PTDSS2: variants seen among roughly 807,000 people sequenced by gnomAD.
The protein encoded by PTDSS2 is PSS-2.
In PTDSS2, 41 loss-of-function variants were observed where a neutral mutation model predicts 64.7. The ratio of observed to expected loss-of-function variants is 0.63; its 90% CI spans 0.49 to 0.82. PTDSS2 has a LOEUF of 0.82. Among genes scored for constraint, PTDSS2 ranks in the 40% least tolerant of loss-of-function variants. The pLI is 0.00. For missense variants in PTDSS2, 485 were observed against 650.0 expected (o/e 0.75, Z 2.76); for synonymous variants, 297 against 277.8 (o/e 1.07, Z -0.69).
intron 1 of PTDSS2, among the ~76,000 whole-genome samples, chr11:453,161 G>A (rs1040075476): frequency 4.8e-4 from 73 of 152,286 alleles, no homozygotes; most frequent in African/African-American, 1.7e-3. Context: ...GGCTTGACTG[G>A]CCCTGGGAGC....
At chr11:487,579 G>C in intron 6 of PTDSS2, 109 bp downstream of exon 6, 1 of 1,059,228 alleles carries the variant, frequency 9.4e-7, no homozygotes, top group Non-Finnish European at 1.5e-6. Context: ...GAGTGTGGTG[G>C]GAGGGTGTCG....
chr11:482,705 C>G (rs944429996), intron 4 of PTDSS2, among the ~76,000 whole-genome samples: 1 of 152,260 alleles, frequency 6.6e-6, no homozygotes, highest in Admixed American at 6.5e-5. Context: ...TTTCATAGAT[C>G]TCCTTACCGA....
chr11:453,178 CT>C (rs1246340063), intron 1 of PTDSS2, among the ~76,000 whole-genome samples: 1 of 152,048 alleles, frequency 6.6e-6, no homozygotes, highest in African/African-American at 2.4e-5. Context: ...GAGCACGAGG[CT>C]GAGCTCTCCT....
intron 1 of PTDSS2, among the ~76,000 whole-genome samples, chr11:455,338 G>A (rs1028452093): frequency 6.6e-6 from 1 of 152,150 alleles, no homozygotes; most frequent in African/African-American, 2.4e-5. Flanking sequence ...TCCAAGACAG[G>A]GTCCTGTGGA....
rs761593985 is a variant in PTDSS2 at position 479,172 on chromosome 11, T to C, written c.435+20T>C. On this transcript the variant is annotated intron_variant, in intron 4 of 11. Coordinates refer to ENST00000308020, the MANE Select transcript of PTDSS2 (RefSeq NM_030783.3). This position sits in a 1 kb window ranked among gnomAD's most constrained non-coding sequence, Gnocchi z 4.2. ...TTCCAGGTAAGCTGTTTTTCTGGGT[T>C]GGATACCTGGGAACTTAGGTGACAG... The C allele has an allele frequency of 1.2e-6, 2 of 1,602,696 alleles. No individual in the cohort carries two copies. Among genetic ancestry groups the C allele is most frequent in the Admixed American group, 3.3e-5 (2 of 60,016 alleles).
rs1846253371 is a variant in PTDSS2, at chr11:450,306, C to G, written c.-150C>G. The G allele has an allele frequency of 1.8e-6, 1 of 563,404 alleles. No homozygotes were observed. Among genetic ancestry groups the G allele is most frequent in the African/African-American group, 2.0e-5 (1 of 51,102 alleles). 34.9% of individuals were successfully genotyped at this position (563,404 alleles called of 1,614,324 possible). A position where few individuals can be genotyped will look rare whatever the true frequency, so the allele number is the denominator to read the frequency against. On this transcript the variant is annotated 5_prime_UTR_variant, in exon 1 of 12. Transcript: ENST00000308020. Reference sequence around the variant, plus strand: ...AATGCACCGCACACCCTTTACTGGCCGGCCCCGCGCTGCTCTCCTAAGACC... The same window carrying G: ...AATGCACCGCACACCCTTTACTGGCGGGCCCCGCGCTGCTCTCCTAAGACC...
rs1019324849 is a variant in PTDSS2 at position 489,701 on chromosome 11, C to T, written c.1083C>T (p.Ala361=). Residue 361 remains alanine (A), a synonymous_variant, in exon 10 of 12, where the codon GCC becomes GCT. Transcript: ENST00000308020. Reference sequence around the variant, plus strand: ...TCTTCGTGAACGTGGGTGGCGTGGCCATGCGTGAGATCTACGACTTCATGG... The same window carrying T: ...TCTTCGTGAACGTGGGTGGCGTGGCTATGCGTGAGATCTACGACTTCATGG... ...LVFFVNVGGV[A]MREIYDFMDD... 6 of 1,606,686 alleles carry T rather than the reference C, an allele frequency of 3.7e-6. No individual in the cohort carries two copies. The highest frequency in any genetic ancestry group is 5.1e-6 in the Non-Finnish European group (6 of 1,177,052).
In PTDSS2 at chr11:490,809, C is replaced by CGTGTGTAT. The variant is rs1565002522; in HGVS notation, c.*228_*229insTGTGTATG. ...GTATGCGTGTGTGTACGCGTGTGTACGCGCGTGTGTACACATGCGTGGCCG... is the reference window on the plus strand; with the variant it reads ...GTATGCGTGTGTGTACGCGTGTGTACGTGTGTATGCGCGTGTGTACACATGCGTGGCCG... On this transcript the variant is annotated 3_prime_UTR_variant, in exon 12 of 12. Transcript: ENST00000308020. The CGTGTGTAT allele has an allele frequency of 8.9e-6, 5 of 564,044 alleles. No homozygotes were observed. The highest frequency in any genetic ancestry group is 1.3e-5 in the Non-Finnish European group (4 of 317,770). 34.9% of individuals were successfully genotyped at this position (564,044 alleles called of 1,614,324 possible).
intron 2 of PTDSS2, among the ~76,000 whole-genome samples, chr11:472,884 A>C (rs1847539701): frequency 6.6e-6 from 1 of 152,214 alleles, no homozygotes; most frequent in Non-Finnish European, 1.5e-5. Flanking sequence ...CCAGCGTGCG[A>C]ACACGCCAAG....
In PTDSS2 at chr11:462,029, AG is replaced by A. The variant is rs1846911699; in HGVS notation, c.284+1743del. 6.6e-6 allele frequency among the ~76,000 whole-genome samples: 1 copy of A among 152,186 alleles called. No homozygotes were observed. Among genetic ancestry groups the A allele is most frequent in the South Asian group, 2.1e-4 (1 of 4,836 alleles). ...CAGCAGGGTAGGTGGATTAGGAAGC[AG>A]GACCGGGTCTCACCTCAAGTGTCCC... On this transcript the variant is annotated intron_variant, in intron 2 of 11. Transcript: ENST00000308020. The surrounding 1 kb of genome is among the most constrained non-coding windows in gnomAD (Gnocchi z 4.5).
rs190335267 is a variant in PTDSS2, at chr11:452,784, A to G, written c.182+2147A>G. 5.3e-3 allele frequency among the ~76,000 whole-genome samples: 806 copies of G among 152,338 alleles called. 1 individual carries two copies. The highest frequency in any genetic ancestry group is 8.6e-3 in the Non-Finnish European group (585 of 68,038). The stretch of plus-strand genomic sequence containing the variant: ...TGCCTGGTGAGAATTCATTACCTGC[A>G]GAGCCTCACACTGACCTCCTGAGTC... On this transcript the variant is annotated intron_variant, in intron 1 of 11. Coordinates refer to ENST00000308020, the MANE Select transcript of PTDSS2 (RefSeq NM_030783.3).
intron 4 of PTDSS2, among the ~76,000 whole-genome samples, chr11:483,495 C>G (rs926301461): frequency 6.6e-6 from 1 of 152,148 alleles, no homozygotes; most frequent in Non-Finnish European, 1.5e-5. Context: ...CTAGTATATT[C>G]CTAGTTGGTT....
At chr11:487,948 C>T (rs1848470630) in intron 6 of PTDSS2, among the ~76,000 whole-genome samples, 1 of 152,226 alleles carries the variant, frequency 6.6e-6, no homozygotes, top group South Asian at 2.1e-4. Flanking sequence ...GGGGCCCTGC[C>T]AGTGCTGTCG....
chr11:448,880 A>G (rs974712713), upstream of PTDSS2, among the ~76,000 whole-genome samples: 1 of 152,220 alleles, frequency 6.6e-6, no homozygotes, highest in South Asian at 2.1e-4. Context: ...GCTGAGGTCA[A>G]TATTACAGCA....
In PTDSS2 at chr11:461,574, A is replaced by G. The variant is rs544307116; in HGVS notation, c.284+1286A>G. 3.3e-5 allele frequency among the ~76,000 whole-genome samples: 5 copies of G among 152,190 alleles called. No individual in the cohort carries two copies. Among genetic ancestry groups the G allele is most frequent in the African/African-American group, 9.6e-5 (4 of 41,534 alleles). ...GTCTCCCTACCCTGCTCCTGGCTGCATGCTCTGTGGGTTCTCTCCCACCTT... is the reference window on the plus strand; with the variant it reads ...GTCTCCCTACCCTGCTCCTGGCTGCGTGCTCTGTGGGTTCTCTCCCACCTT... On this transcript the variant is annotated intron_variant, in intron 2 of 11. Transcript: ENST00000308020. The surrounding 1 kb of genome is among the most constrained non-coding windows in gnomAD (Gnocchi z 4.2).
At chr11:488,433 G>GAGGGGCAT in intron 7 of PTDSS2, 96 bp from the exon 8 acceptor site, 1 of 1,337,678 alleles carries the variant, frequency 7.5e-7, no homozygotes, top group Non-Finnish European at 1.1e-6. Context: ...GGTGCAGGCT[G>GAGGGGCAT]AGGGGCATTC....
Position 479,088 on chromosome 11 carries a change from A to G in PTDSS2, c.371A>G (p.Tyr124Cys). Reference protein sequence around the residue: ...DGPFSRPHPAYWRFWLCVSVV... With the variant: ...DGPFSRPHPACWRFWLCVSVV... Reference sequence around the variant, plus strand: ...GTTCTGTCGTCTGTCTTTGTAGCTTACTGGAGGTTTTGGCTCTGCGTGAGT... The same window carrying G: ...GTTCTGTCGTCTGTCTTTGTAGCTTGCTGGAGGTTTTGGCTCTGCGTGAGT... The change falls in exon 4 of 12, where the codon TAC (tyrosine) becomes TGC (cysteine). Residue 124 changes from tyrosine to cysteine, a missense_variant. Physicochemically the swap from Tyr to Cys is radical, Grantham distance 194. Around this residue, in one of 3 missense-constraint regions of PTDSS2, gnomAD observed 251 missense variants for 348.0 expected, o/e 0.72. Coordinates refer to ENST00000308020, the MANE Select transcript of PTDSS2 (RefSeq NM_030783.3). This position sits in a 1 kb window ranked among gnomAD's most constrained non-coding sequence, Gnocchi z 4.2. 6.2e-7 allele frequency: 1 copy of G among 1,613,974 alleles called. No individual in the cohort carries two copies. Among genetic ancestry groups the G allele is most frequent in the Non-Finnish European group, 8.5e-7 (1 of 1,179,846 alleles).
At chr11:452,692 G>A (rs893908755) in intron 1 of PTDSS2, among the ~76,000 whole-genome samples, 1 of 152,038 alleles carries the variant, frequency 6.6e-6, no homozygotes, top group African/African-American at 2.4e-5. Flanking sequence ...GGTTCTTGCT[G>A]TGCCTCCTCC....
At chr11:471,765 GGATGGCGGCCTGGGGTGACGCA>G (rs1847456162) in intron 2 of PTDSS2, among the ~76,000 whole-genome samples, 1 of 146,052 alleles carries the variant, frequency 6.8e-6, no homozygotes, top group African/African-American at 2.6e-5. Context: ...GGGGTGACGC[GGATGGCGGCCTGGGGTGACGCA>G]GATGGTGGCC....
Sources: gnomAD v4.1 joint callset for allele counts (sites outside exome capture counted in the v4.1 genomes callset) on GRCh38, gnomAD v4.1.1 for gene constraint, gnomAD v4.1.1 regional missense constraint, Gnocchi (gnomAD v3.1) non-coding constraint, MANE v1.5 for transcripts, NCBI Gene and HGNC (gene_info 2026-07-23, HGNC 2026-07-21) for gene names.